The following RBFOX3 variants were observed in gnomAD, a reference collection of about 807,000 sequenced individuals.
The protein encoded by RBFOX3 is RNA binding fox-1 homolog 3, also known as RNA binding protein fox-1 homolog 3.
RBFOX3 carries 17 observed loss-of-function variants against 48.7 expected under a neutral mutation model. The observed-to-expected ratio is 0.35, with a 90% CI of 0.24 to 0.52. The LOEUF is 0.52. Ranked by LOEUF, RBFOX3 falls within the 20% of genes least tolerant of loss-of-function variation. The pLI, the probability that RBFOX3 is intolerant of heterozygous loss-of-function variation, is 0.94. For synonymous variants in RBFOX3, 212 were observed against 209.5 expected (o/e 1.01, Z -0.10); for missense variants, 382 against 497.5 (o/e 0.77, Z 2.21).
At position 79,220,612 on chromosome 17, in the gene RBFOX3, T is replaced by TGC. The variant is rs2059611003; in HGVS notation, c.-34+15153_-34+15154insGC. On this transcript the variant is annotated intron_variant, in intron 4 of 14. Coordinates refer to ENST00000693108, the MANE Select transcript of RBFOX3 (RefSeq NM_001350451.2). The surrounding 1 kb of genome is among the most constrained non-coding windows in gnomAD (Gnocchi z 5.9). ...ACCCAGGGGAGGGTGTGTGTGTGTG[T>TGC]GTGTCGGGGGGACACAAAACCTTCC... Among the ~76,000 whole-genome samples, 1 of 151,812 alleles carries TGC rather than the reference T, an allele frequency of 6.6e-6. No homozygotes were observed. The highest frequency in any genetic ancestry group is 2.1e-4 in the South Asian group (1 of 4,798).
At chr17:79,388,101 G>A (rs572592735) in intron 2 of RBFOX3, among the ~76,000 whole-genome samples, 1 of 152,090 alleles carries the variant, frequency 6.6e-6, no homozygotes, top group South Asian at 2.1e-4. Context: ...TGTGCATGTG[G>A]ACATGTATAT....
intron 2 of RBFOX3, among the ~76,000 whole-genome samples, chr17:79,469,036 T>C (rs1203408400): frequency 6.6e-6 from 1 of 152,104 alleles, no homozygotes; most frequent in East Asian, 1.9e-4. Context: ...GATGGATAGA[T>C]AGATAGACTG....
At chr17:79,244,756 TC>T (rs201143841) in intron 3 of RBFOX3, among the ~76,000 whole-genome samples, 5 of 95,766 alleles carry the variant, frequency 5.2e-5, no homozygotes, top group Non-Finnish European at 8.5e-5. Context: ...CTTCCTTCCT[TC>T]CTTTTCTTCC....
intron 2 of RBFOX3, among the ~76,000 whole-genome samples, chr17:79,402,611 G>C (rs1168016017): frequency 1.3e-5 from 2 of 152,194 alleles, no homozygotes; most frequent in Non-Finnish European, 1.5e-5. Context: ...CACAGGAAAG[G>C]GTGGGCCAGG....
At chr17:79,248,995 G>A (rs1394268376) in intron 3 of RBFOX3, among the ~76,000 whole-genome samples, 1 of 152,232 alleles carries the variant, frequency 6.6e-6, no homozygotes, top group African/African-American at 2.4e-5. Flanking sequence ...TCTGAGCTGG[G>A]ACCTGCCTCC....
intron 1 of RBFOX3, among the ~76,000 whole-genome samples, chr17:79,583,217 C>T (rs1305462270): frequency 6.6e-6 from 1 of 152,216 alleles, no homozygotes; most frequent in Non-Finnish European, 1.5e-5. Context: ...CCTCAGCTTC[C>T]TCCTGGTAAA....
chr17:79,414,326 C>T (rs1468364008), intron 2 of RBFOX3, among the ~76,000 whole-genome samples: 1 of 152,202 alleles, frequency 6.6e-6, no homozygotes, highest in Non-Finnish European at 1.5e-5. Flanking sequence ...TACCCCCTTC[C>T]TTCTGGGTAA....
chr17:79,571,207 C>T (rs1199964259), intron 1 of RBFOX3, among the ~76,000 whole-genome samples: 1 of 152,150 alleles, frequency 6.6e-6, no homozygotes, highest in Non-Finnish European at 1.5e-5. Flanking sequence ...CCAGGGTCCC[C>T]TAGCATCTCT....
At chr17:79,301,586 A>G (rs1316502812) in intron 3 of RBFOX3, among the ~76,000 whole-genome samples, 1 of 152,238 alleles carries the variant, frequency 6.6e-6, no homozygotes, top group African/African-American at 2.4e-5. Flanking sequence ...ACCTCGCTGG[A>G]AAGTGAGTTT....
Position 79,550,406 on chromosome 17 carries a change from G to A in RBFOX3, c.-320+60420C>T, listed in dbSNP as rs1259486088. On this transcript the variant is annotated intron_variant, in intron 1 of 14. Coordinates refer to ENST00000693108, the MANE Select transcript of RBFOX3 (RefSeq NM_001350451.2). ...CAGTAAAAGGGGGCCCAGACATCAG[G>A]GAGAAAGTCCAGATGCAGGTCCACA... 3.3e-5 allele frequency among the ~76,000 whole-genome samples: 5 copies of A among 152,238 alleles called. No homozygotes were observed. The South Asian group carries it at 8.3e-4, about 25-fold the overall frequency.
At chr17:79,174,577 T>A (rs534868937) in intron 4 of RBFOX3, among the ~76,000 whole-genome samples, 1 of 151,452 alleles carries the variant, frequency 6.6e-6, no homozygotes, top group African/African-American at 2.4e-5. Flanking sequence ...CATGCACTCA[T>A]ACATTGACAC....
chr17:79,412,632 G>A (rs2064620592), intron 2 of RBFOX3, among the ~76,000 whole-genome samples: 1 of 151,192 alleles, frequency 6.6e-6, no homozygotes, highest in Non-Finnish European at 1.5e-5. Context: ...GTGTGAATGT[G>A]TGCATGTATG....
chr17:79,483,926 T>C (rs4790050), intron 1 of RBFOX3, among the ~76,000 whole-genome samples: 23,605 of 152,190 alleles, frequency 0.16, 2,104 homozygotes, highest in East Asian at 0.43. Flanking sequence ...GTTTAGTTGG[T>C]GAGGGCTGGC....
chr17:79,662,019 T>G, the RBFOX3 span, among the ~76,000 whole-genome samples: 1 of 152,096 alleles, frequency 6.6e-6, no homozygotes, highest in African/African-American at 2.4e-5. Context: ...TATTTCCCCT[T>G]GTGGTTAATA....
chr17:79,270,897 G>C (rs923382611), intron 3 of RBFOX3, among the ~76,000 whole-genome samples: 1 of 152,208 alleles, frequency 6.6e-6, no homozygotes, highest in Non-Finnish European at 1.5e-5. Flanking sequence ...AGGCCGAGAG[G>C]TTCAGTCATT....
chr17:79,124,112 G>T (rs1568175548), intron 4 of RBFOX3, among the ~76,000 whole-genome samples: 1 of 152,360 alleles, frequency 6.6e-6, no homozygotes, highest in East Asian at 1.9e-4. Context: ...GTGCCACTGG[G>T]CATGCTCTTT....
At chr17:79,532,200 G>A (rs983957802) in intron 1 of RBFOX3, among the ~76,000 whole-genome samples, 232 of 147,388 alleles carry the variant, frequency 1.6e-3, no homozygotes, top group African/African-American at 5.4e-3. Flanking sequence ...CTGCACTGGA[G>A]GGGGGAGGGG....
chr17:79,570,180 AG>A (rs1393795174), intron 1 of RBFOX3, among the ~76,000 whole-genome samples: 7 of 150,316 alleles, frequency 4.7e-5, no homozygotes, highest in Admixed American at 4.6e-4. Flanking sequence ...GTAGATGGAT[AG>A]GTGGATTATA....
At position 79,356,367 on chromosome 17, in the gene RBFOX3, T is replaced by TTTTTTTTTTG. The variant is rs2085068929; in HGVS notation, c.-174-48544_-174-48543insCAAAAAAAAA. ...AGGGAAGTTTTTTTTTTTTTTTTTT[T>TTTTTTTTTTG]TTTTTTTTTTTTTTTTTTTGAGGAG... On this transcript the variant is annotated intron_variant, in intron 2 of 14. Coordinates refer to ENST00000693108, the MANE Select transcript of RBFOX3 (RefSeq NM_001350451.2). Among the ~76,000 whole-genome samples, 28 of 77,052 alleles carry TTTTTTTTTTG rather than the reference T, an allele frequency of 3.6e-4. 2 individuals carry two copies. Among genetic ancestry groups the TTTTTTTTTTG allele is most frequent in the African/African-American group, 1.1e-3 (24 of 21,228 alleles). The allele number at this position is 77,052 out of a possible 152,430, so 50.5% of individuals were successfully genotyped here. A position where few individuals can be genotyped will look rare whatever the true frequency, so the allele number is the denominator to read the frequency against.
Sources: allele counts gnomAD v4.1 joint callset (sites outside exome capture counted in the v4.1 genomes callset), GRCh38; gene constraint gnomAD v4.1.1; non-coding constraint Gnocchi (gnomAD v3.1); transcripts MANE v1.5; gene names NCBI Gene and HGNC (gene_info 2026-07-23, HGNC 2026-07-21).